The following CWC22 variants were observed in gnomAD, a reference collection of about 807,000 sequenced individuals.
CWC22 encodes pre-mRNA-splicing factor CWC22 homolog.
Under a neutral mutation model 117.2 loss-of-function variants are expected in CWC22, and 53 were observed. The observed-to-expected ratio is 0.45, with a 90% confidence interval of 0.36 to 0.57. The LOEUF (loss-of-function observed/expected upper bound fraction) is 0.57, where lower values mean the gene tolerates loss of function less well. Among genes scored for constraint, CWC22 ranks in the 20% least tolerant of loss-of-function variants. CWC22 has a pLI of 0.00. For synonymous variants in CWC22, 360 were observed against 355.6 expected, an observed-to-expected ratio of 1.01 and a Z score of -0.14; for missense variants, 980 against 1,068.8, an observed-to-expected ratio of 0.92 and a Z score of 1.16.
At chr2:179,949,936 G>A (rs948860459) in intron 19 of CWC22, among the ~76,000 whole-genome samples, 2 of 151,976 alleles carry the variant, frequency 1.3e-5, no homozygotes, top group Non-Finnish European at 2.9e-5. Flanking sequence ...TAATGCTAAA[G>A]GTAAAAACAG....
intron 1 of CWC22, among the ~76,000 whole-genome samples, chr2:180,005,969 G>T (rs1687962679): frequency 6.6e-6 from 1 of 152,198 alleles, no homozygotes; most frequent in African/African-American, 2.4e-5. Context: ...GATAACGCCT[G>T]TAACAATGCT....
At chr2:179,948,847 T>G (rs763789507) in intron 19 of CWC22, among the ~76,000 whole-genome samples, 4 of 152,162 alleles carry the variant, frequency 2.6e-5, no homozygotes, top group Admixed American at 6.5e-5. Flanking sequence ...ACGACATTAG[T>G]GGTAAAACTG....
chr2:179,957,440 G>A (rs1686624413), intron 14 of CWC22, among the ~76,000 whole-genome samples: 1 of 152,144 alleles, frequency 6.6e-6, no homozygotes, highest in African/African-American at 2.4e-5. Context: ...GAGTCCATAT[G>A]ATCTCTGTCA....
In CWC22 at chr2:179,990,578, G is replaced by C. The variant is rs866484447; in HGVS notation, c.28-1934C>G. 2.3e-3 allele frequency among the ~76,000 whole-genome samples: 331 copies of C among 145,212 alleles called. 1 individual carries two copies. The highest frequency in any genetic ancestry group is 7.5e-3 in the African/African-American group (294 of 39,096). On this transcript the variant is annotated intron_variant, in intron 2 of 19. Coordinates refer to ENST00000410053, the MANE Select transcript of CWC22 (RefSeq NM_020943.3). ...AGAGAGAGAGAGAGAGAGAGAGAGA[G>C]AAAGAAGAAGGAGGGGGCAGGGAGA... is the stretch of plus-strand genomic sequence containing the variant.
intron 5 of CWC22, among the ~76,000 whole-genome samples, chr2:179,979,827 T>C (rs1160633074): frequency 6.6e-6 from 1 of 152,198 alleles, no homozygotes; most frequent in African/African-American, 2.4e-5. Context: ...GTTGCTCATA[T>C]ACAATCACAA....
intron 11 of CWC22, among the ~76,000 whole-genome samples, chr2:179,966,953 T>C (rs1686906162): frequency 6.6e-6 from 1 of 152,200 alleles, no homozygotes; most frequent in East Asian, 1.9e-4. Flanking sequence ...TTTACAAAAA[T>C]GAAGAGTAGT....
intron 1 of CWC22, among the ~76,000 whole-genome samples, chr2:180,005,451 C>T (rs1287612159): frequency 1.3e-5 from 2 of 152,142 alleles, no homozygotes; most frequent in Non-Finnish European, 2.9e-5. Context: ...GTGGCGGGCA[C>T]CTTAGTCCCA....
rs144383839 is a variant in CWC22 at position 179,993,048 on chromosome 2, T to G, written c.27+267A>C. On this transcript the variant is annotated intron_variant, in intron 2 of 19. Transcript: ENST00000410053. ...ACACACACGTACACACACTTCTGTA[T>G]GTTCTCAACTGCCCTCTTGCACACT... is the stretch of plus-strand genomic sequence containing the variant. 3.9e-3 allele frequency among the ~76,000 whole-genome samples: 595 copies of G among 152,350 alleles called. 4 individuals are homozygous for G. The highest frequency in any genetic ancestry group is 0.014 in the African/African-American group (575 of 41,592).
chr2:179,951,981 GAGT>G (rs1686462126), intron 17 of CWC22, among the ~76,000 whole-genome samples: 1 of 152,206 alleles, frequency 6.6e-6, no homozygotes, highest in Admixed American at 6.6e-5. Context: ...AGTGTCAATG[GAGT>G]AGAAGTCAAC....
intron 3 of CWC22, among the ~76,000 whole-genome samples, chr2:179,988,068 C>T (rs1237211418): frequency 2.0e-5 from 3 of 152,266 alleles, no homozygotes; most frequent in African/African-American, 4.8e-5. Flanking sequence ...AGGGTTTGTG[C>T]TCCTATGAGA....
intron 4 of CWC22, among the ~76,000 whole-genome samples, chr2:179,983,417 T>C (rs1033796059): frequency 6.6e-6 from 1 of 152,134 alleles, no homozygotes; most frequent in African/African-American, 2.4e-5. Flanking sequence ...TCTAGCTCCA[T>C]CCATGTCCCT....
Position 179,964,682 on chromosome 2 carries a change from A to G in CWC22, c.1316-54T>C, listed in dbSNP as rs913487074. On this transcript the variant is annotated intron_variant, in intron 12 of 19. Transcript: ENST00000410053. Reference sequence around the variant, plus strand: ...CTGCAAAAATAAATGTGATGAAGTTAAAATGTAACTCTGTATAGCATTTTC... The same window carrying G: ...CTGCAAAAATAAATGTGATGAAGTTGAAATGTAACTCTGTATAGCATTTTC... The G allele has an allele frequency of 8.0e-6, 7 of 872,424 alleles. 1 individual carries two copies. In the African/African-American group the frequency reaches 8.4e-5, roughly 10 times the overall value. 54.0% of individuals were successfully genotyped at this position (872,424 alleles called of 1,614,324 possible).
intron 6 of CWC22, among the ~76,000 whole-genome samples, chr2:179,977,509 T>TA (rs1447228066): frequency 3.3e-5 from 5 of 151,996 alleles, no homozygotes; most frequent in South Asian, 2.1e-4. Context: ...ATGCGGAATC[T>TA]AAAAAAAACT....
intron 14 of CWC22, among the ~76,000 whole-genome samples, chr2:179,956,212 A>G (rs541688566): frequency 2.0e-5 from 3 of 152,120 alleles, no homozygotes; most frequent in Non-Finnish European, 4.4e-5. Context: ...AGGAGGACTT[A>G]GAGCAAGAGG....
chr2:179,966,671 A>G (rs890277724), intron 11 of CWC22, among the ~76,000 whole-genome samples: 1 of 152,216 alleles, frequency 6.6e-6, no homozygotes, highest in Admixed American at 6.5e-5. Context: ...ATGAGACTAC[A>G]TAAGGCCAGT....
At position 179,945,231 on chromosome 2, in the gene CWC22, G is replaced by A. The variant is rs373950892; in HGVS notation, c.2625C>T (p.Ala875=). 196 of 1,613,364 alleles carry A rather than the reference G, an allele frequency of 1.2e-4. No individual in the cohort carries two copies. Among genetic ancestry groups the A allele is most frequent in the Middle Eastern group, 3.3e-4 (2 of 6,082 alleles). ...TGCTAGATTTTTCCCATCGTCTCTCGGCACCATTTTGATATCTATCTTCAT... is the reference window on the plus strand; with the variant it reads ...TGCTAGATTTTTCCCATCGTCTCTCAGCACCATTTTGATATCTATCTTCAT... ...RSDEDRYQNG[A]ERRWEKSSRY... is the part of the protein sequence containing the mutation. The change falls in exon 20 of 20, where the codon GCC becomes GCT. Residue 875 remains alanine (A), a synonymous_variant. Coordinates refer to ENST00000410053, the MANE Select transcript of CWC22 (RefSeq NM_020943.3).
intron 1 of CWC22, among the ~76,000 whole-genome samples, chr2:179,996,145 T>C (rs1374308553): frequency 6.6e-6 from 1 of 151,940 alleles, no homozygotes; most frequent in Non-Finnish European, 1.5e-5. Flanking sequence ...GAAACCAAAA[T>C]CTCTATAACA....
At chr2:179,959,210 G>A in intron 13 of CWC22, 128 bp from the exon 14 acceptor site, 1 of 567,678 alleles carries the variant, frequency 1.8e-6, no homozygotes, top group Non-Finnish European at 3.1e-6. Context: ...GTTGTACTGT[G>A]TATATAAGGA....
chr2:179,991,790 G>C (rs1490014074), intron 2 of CWC22, among the ~76,000 whole-genome samples: 1 of 152,160 alleles, frequency 6.6e-6, no homozygotes, highest in East Asian at 1.9e-4. Flanking sequence ...AACTGTTTAA[G>C]TAACAATGGA....
Sources: allele counts gnomAD v4.1 joint callset (sites outside exome capture counted in the v4.1 genomes callset), GRCh38; gene constraint gnomAD v4.1.1; transcripts MANE v1.5; gene names NCBI Gene and HGNC (gene_info 2026-07-23, HGNC 2026-07-21).